BTBD9: variants seen among roughly 807,000 people sequenced by gnomAD.
The protein encoded by BTBD9 is BTB/POZ domain-containing protein 9.
A neutral mutation model predicts 64.3 loss-of-function variants in BTBD9; 49 were observed. The observed-to-expected ratio is 0.76, with a 90% CI of 0.61 to 0.97. The LOEUF (loss-of-function observed/expected upper bound fraction) is 0.97, where lower values mean the gene tolerates loss of function less well. Among genes scored for constraint, BTBD9 ranks in the 50% least tolerant of loss-of-function variants. The pLI is 0.00. For missense variants in BTBD9, 598 were observed against 762.1 expected (o/e 0.78, Z 2.53); for synonymous variants, 260 against 274.7 (o/e 0.95, Z 0.53).
chr6:38,297,571 T>C (rs1226412886), intron 7 of BTBD9, among the ~76,000 whole-genome samples: 1 of 152,190 alleles, frequency 6.6e-6, no homozygotes, highest in African/African-American at 2.4e-5. Context: ...AAGTCTATGT[T>C]GTCTGATGTC....
intron 6 of BTBD9, among the ~76,000 whole-genome samples, chr6:38,347,139 T>C (rs1764313291): frequency 6.6e-6 from 1 of 152,168 alleles, no homozygotes; most frequent in Non-Finnish European, 1.5e-5. Context: ...ATTTCCCAAA[T>C]TTTACCCAGT....
At chr6:38,222,254 G>GTTTTTTTTTTT (rs771737210) in intron 9 of BTBD9, among the ~76,000 whole-genome samples, 4 of 96,702 alleles carry the variant, frequency 4.1e-5, no homozygotes, top group Non-Finnish European at 7.6e-5. Flanking sequence ...AATTCATTCA[G>GTTTTTTTTTTT]TTGTTTTTTT....
chr6:38,540,748 A>T (rs1434990946), intron 6 of BTBD9, among the ~76,000 whole-genome samples: 1 of 152,264 alleles, frequency 6.6e-6, no homozygotes, highest in African/African-American at 2.4e-5. Flanking sequence ...CCTGGACAGC[A>T]AAGACTTGTG....
At chr6:38,630,508 G>A (rs370520456) in intron 1 of BTBD9, among the ~76,000 whole-genome samples, 2 of 152,138 alleles carry the variant, frequency 1.3e-5, no homozygotes, top group South Asian at 2.1e-4. Flanking sequence ...AGTTCAGTGG[G>A]GCAAAAGGAG....
chr6:38,613,660 T>C (rs9462446), intron 1 of BTBD9, among the ~76,000 whole-genome samples: 9,693 of 152,050 alleles, frequency 0.064, 738 homozygotes, highest in East Asian at 0.23. Context: ...TATGGACACA[T>C]GTATTACTCA....
At chr6:38,573,708 T>A (rs2252550) in intron 6 of BTBD9, among the ~76,000 whole-genome samples, 98,740 of 152,050 alleles carry the variant, frequency 0.65, 32,489 homozygotes, top group African/African-American at 0.76. Flanking sequence ...CTATCCATTT[T>A]CGCTCATGTT....
chr6:38,211,165 C>T (rs1762819946), intron 9 of BTBD9, among the ~76,000 whole-genome samples: 1 of 152,222 alleles, frequency 6.6e-6, no homozygotes, highest in African/African-American at 2.4e-5. Flanking sequence ...CACGGTGGCT[C>T]ACGCCTGTAA....
intron 6 of BTBD9, among the ~76,000 whole-genome samples, chr6:38,492,182 T>G (rs957400191): frequency 2.0e-5 from 3 of 152,162 alleles, no homozygotes; most frequent in Admixed American, 1.3e-4. Flanking sequence ...AGGCCTCTCC[T>G]GGGATCTCGG....
intron 7 of BTBD9, among the ~76,000 whole-genome samples, chr6:38,298,151 G>A (rs1347461395): frequency 2.6e-5 from 4 of 151,782 alleles, no homozygotes; most frequent in African/African-American, 4.8e-5. Flanking sequence ...CACCACACCT[G>A]GCCTCTGCTC....
intron 7 of BTBD9, among the ~76,000 whole-genome samples, chr6:38,322,675 G>A (rs539394458): frequency 6.6e-6 from 1 of 152,182 alleles, no homozygotes; most frequent in Admixed American, 6.5e-5. Flanking sequence ...TACAGCGTCT[G>A]TTTTATAACT....
intron 6 of BTBD9, among the ~76,000 whole-genome samples, chr6:38,469,013 CCTTACTAAGGAAATA>C (rs777899045): frequency 5.9e-5 from 9 of 151,914 alleles, no homozygotes; most frequent in Non-Finnish European, 1.0e-4. Context: ...GAATTTCAAT[CCTTACTAAGGAAATA>C]AAATATCACT....
intron 6 of BTBD9, among the ~76,000 whole-genome samples, chr6:38,486,270 G>C (rs1432353461): frequency 4.6e-5 from 7 of 152,178 alleles, no homozygotes; most frequent in African/African-American, 1.7e-4. Flanking sequence ...TGGCTGCTTT[G>C]CTTTCTTATC....
At chr6:38,467,010 C>T (rs557458647) in intron 6 of BTBD9, among the ~76,000 whole-genome samples, 1 of 152,260 alleles carries the variant, frequency 6.6e-6, no homozygotes, top group African/African-American at 2.4e-5. Context: ...ACCAAACATA[C>T]ATGGAGAATC....
At position 38,550,409 on chromosome 6, in the gene BTBD9, C is replaced by T. The variant is rs192339316; in HGVS notation, c.1154+27191G>A. ...TCGGCTCACTGCAACCTATGCCTCC[C>T]GGGTTCAAGTGATTCTCCTGCCTCA... On this transcript the variant is annotated intron_variant, in intron 6 of 10. Coordinates refer to ENST00000481247, the MANE Select transcript of BTBD9 (RefSeq NM_001099272.2). Among the ~76,000 whole-genome samples the T allele has an allele frequency of 7.3e-4, 111 of 151,050 alleles. 2 individuals carry two copies. The highest frequency in any genetic ancestry group is 1.3e-4 in the Non-Finnish European group (9 of 67,674).
In BTBD9 at chr6:38,632,759, T is replaced by G. The variant is rs567289087; in HGVS notation, c.-28+7041A>C. Among the ~76,000 whole-genome samples, 15 of 152,106 alleles carry G rather than the reference T, an allele frequency of 9.9e-5. No individual in the cohort carries two copies. The South Asian group carries it at 3.1e-3, about 32-fold the overall frequency. On this transcript the variant is annotated intron_variant, in intron 1 of 10. Coordinates refer to ENST00000481247, the MANE Select transcript of BTBD9 (RefSeq NM_001099272.2). ...ACAGCCTAGGCAAACAGTGAGACCC[T>G]GTCTACATAGAAACAAAAATAAATT...
At chr6:38,620,360 C>T (rs1188920811) in intron 1 of BTBD9, among the ~76,000 whole-genome samples, 1 of 152,208 alleles carries the variant, frequency 6.6e-6, no homozygotes, top group Non-Finnish European at 1.5e-5. Context: ...CATTCCCCTG[C>T]ACTCTGTCTG....
chr6:38,598,954 C>CA (rs34571297), intron 1 of BTBD9, among the ~76,000 whole-genome samples: 1 of 152,054 alleles, frequency 6.6e-6, no homozygotes, highest in African/African-American at 2.4e-5. Flanking sequence ...TCTGGAGTCA[C>CA]AAAAATAACT....
At chr6:38,203,786 T>A in intron 9 of BTBD9, among the ~76,000 whole-genome samples, 1 of 149,748 alleles carries the variant, frequency 6.7e-6, no homozygotes, top group African/African-American at 2.5e-5. Flanking sequence ...GAAAGGGGGG[T>A]GAATAGGTAG....
intron 6 of BTBD9, among the ~76,000 whole-genome samples, chr6:38,397,714 CACAA>C (rs1426191186): frequency 1.3e-5 from 2 of 151,882 alleles, no homozygotes; most frequent in African/African-American, 2.4e-5. Context: ...AAGTGGAAGA[CACAA>C]ACAAACACAT....
Sources: gnomAD v4.1 joint callset for allele counts (sites outside exome capture counted in the v4.1 genomes callset) on GRCh38, gnomAD v4.1.1 for gene constraint, MANE v1.5 for transcripts, NCBI Gene and HGNC (gene_info 2026-07-23, HGNC 2026-07-21) for gene names.